Variants in QSOX1 observed in about 807,000 individuals in gnomAD.
QSOX1 encodes sulfhydryl oxidase 1.
QSOX1 carries 40 observed loss-of-function variants against 76.1 expected under a neutral mutation model. The ratio of observed to expected loss-of-function variants is 0.53; its 90% confidence interval spans 0.41 to 0.68. The LOEUF (loss-of-function observed/expected upper bound fraction) is 0.68, where lower values mean the gene tolerates loss of function less well. QSOX1 is among the 30% of genes least tolerant of loss of function. The pLI, the probability that QSOX1 is intolerant of heterozygous loss-of-function variation, is 0.00. For synonymous variants in QSOX1, 392 were observed against 413.1 expected (o/e 0.95, Z 0.62); for missense variants, 931 against 974.3 (o/e 0.96, Z 0.59).
In QSOX1 at chr1:180,202,691, A is replaced by AAGG. The variant is rs1553276278; in HGVS notation, c.*5654_*5655insAGG. Reference sequence around the variant, plus strand: ...AAGCTAATGCAAAAAAAAAAAAAAAAGGGGAAATATAATTGAATACTTCAC... The same window carrying AAGG: ...AAGCTAATGCAAAAAAAAAAAAAAAAAGGGGGGAAATATAATTGAATACTTCAC... On this transcript the variant is annotated 3_prime_UTR_variant, in exon 12 of 12. Coordinates refer to ENST00000367602, the MANE Select transcript of QSOX1 (RefSeq NM_002826.5). 6 of 148,382 alleles carry AAGG rather than the reference A, an allele frequency of 4.0e-5. No homozygotes were observed. Among genetic ancestry groups the AAGG allele is most frequent in the South Asian group, 4.3e-4 (2 of 4,644 alleles). The allele number at this position is 148,382 out of a possible 1,614,324, so 9.2% of individuals were successfully genotyped here.
chr1:180,173,924 G>T (rs1662818238), intron 2 of QSOX1, among the ~76,000 whole-genome samples: 1 of 152,238 alleles, frequency 6.6e-6, no homozygotes, highest in Non-Finnish European at 1.5e-5. Context: ...GTTCGGAGCA[G>T]TTGATGCGTT....
chr1:180,174,351 A>G (rs1347420590), intron 2 of QSOX1, among the ~76,000 whole-genome samples: 1 of 152,256 alleles, frequency 6.6e-6, no homozygotes, highest in African/African-American at 2.4e-5. Flanking sequence ...TTGGGGTGTC[A>G]TGTACATGGG....
At chr1:180,178,092 T>C (rs1662941797) in intron 4 of QSOX1, among the ~76,000 whole-genome samples, 1 of 152,196 alleles carries the variant, frequency 6.6e-6, no homozygotes, top group African/African-American at 2.4e-5. Flanking sequence ...TGTTGGGTTC[T>C]AATACCCCCC....
intron 1 of QSOX1, 45 bp downstream of exon 1, chr1:180,155,217 A>ACC: frequency 7.1e-7 from 1 of 1,407,982 alleles, no homozygotes; most frequent in Non-Finnish European, 9.2e-7. Context: ...CGCCGCCCGG[A>ACC]CCCCTCCACC....
chr1:180,177,666 A>C (rs1310585355), intron 4 of QSOX1, among the ~76,000 whole-genome samples: 1 of 152,164 alleles, frequency 6.6e-6, no homozygotes, highest in Non-Finnish European at 1.5e-5. Context: ...ACTGGCCCCC[A>C]TGTAGGTTGT....
At chr1:180,183,100 G>A (rs1289761052) in intron 6 of QSOX1, among the ~76,000 whole-genome samples, 3 of 152,168 alleles carry the variant, frequency 2.0e-5, no homozygotes, top group East Asian at 3.9e-4. Flanking sequence ...TGATGGTGGG[G>A]AGAGAAGGCA....
intron 1 of QSOX1, among the ~76,000 whole-genome samples, chr1:180,162,633 A>C (rs547557991): frequency 6.5e-4 from 99 of 152,058 alleles, no homozygotes; most frequent in Non-Finnish European, 1.2e-3. Flanking sequence ...CAGCTACTTA[A>C]GCAGCTGAGG....
intron 11 of QSOX1, among the ~76,000 whole-genome samples, chr1:180,195,363 C>G (rs1293806083): frequency 6.6e-6 from 1 of 152,178 alleles, no homozygotes; most frequent in South Asian, 2.1e-4. Context: ...TGACTCATGA[C>G]TGGACCCTTG....
chr1:180,189,164 G>T (rs1663245217), intron 8 of QSOX1, among the ~76,000 whole-genome samples: 1 of 152,172 alleles, frequency 6.6e-6, no homozygotes, highest in South Asian at 2.1e-4. Context: ...ACAGGACTGT[G>T]TGGCCCAGGG....
intron 10 of QSOX1, among the ~76,000 whole-genome samples, chr1:180,192,610 T>C (rs1174269250): frequency 6.6e-6 from 1 of 152,036 alleles, no homozygotes; most frequent in African/African-American, 2.4e-5. Flanking sequence ...AGGACTCGGG[T>C]GGACTCCAGG....
intron 6 of QSOX1, among the ~76,000 whole-genome samples, chr1:180,183,067 C>T (rs568796249): frequency 1.5e-4 from 23 of 152,308 alleles, no homozygotes; most frequent in African/African-American, 3.8e-4. Context: ...ACTCGCTTTC[C>T]GGGCAGGCCC....
At chr1:180,181,960 C>T (rs941465520) in intron 5 of QSOX1, among the ~76,000 whole-genome samples, 1 of 152,248 alleles carries the variant, frequency 6.6e-6, no homozygotes, top group East Asian at 1.9e-4. Flanking sequence ...AAGGCCTCTC[C>T]TCCTGGGCAG....
intron 1 of QSOX1, among the ~76,000 whole-genome samples, chr1:180,158,486 G>A (rs1042297167): frequency 6.6e-6 from 1 of 152,106 alleles, no homozygotes; most frequent in African/African-American, 2.4e-5. Flanking sequence ...TGCTGGTGCC[G>A]TGGATCCTCT....
rs528761077 is a variant in QSOX1, at chr1:180,198,901, T to G, written c.*1864T>G. The G allele has an allele frequency of 6.1e-6, 1 of 163,050 alleles. No homozygotes were observed. The highest frequency in any genetic ancestry group is 1.6e-4 in the South Asian group (1 of 6,128). The allele number at this position is 163,050 out of a possible 1,614,324, so 10.1% of individuals were successfully genotyped here. A position where few individuals can be genotyped will look rare whatever the true frequency, so the allele number is the denominator to read the frequency against. Reference sequence around the variant, plus strand: ...CAAGGCCGCTGAATAAGCCTGCCCTTCACCCCCTAAGGGCTCCTTGCCCAA... The same window carrying G: ...CAAGGCCGCTGAATAAGCCTGCCCTGCACCCCCTAAGGGCTCCTTGCCCAA... On this transcript the variant is annotated 3_prime_UTR_variant, in exon 12 of 12. Coordinates refer to ENST00000367602, the MANE Select transcript of QSOX1 (RefSeq NM_002826.5).
Position 180,196,290 on chromosome 1 carries a change from C to A in QSOX1, c.1497C>A (p.Pro499=), listed in dbSNP as rs983866607. Reference sequence around the variant, plus strand: ...CCCCCAGCGAGGACCCCCAGTTCCCCAAGGTGCAGTGGCCACCCCGTGAAC... The same window carrying A: ...CCCCCAGCGAGGACCCCCAGTTCCCAAAGGTGCAGTGGCCACCCCGTGAAC... ...AGAPSEDPQF[P]KVQWPPRELC... Residue 499 remains proline (P), a synonymous_variant, in exon 12 of 12, where the codon CCC becomes CCA. Transcript: ENST00000367602. The surrounding 1 kb of genome is among the most constrained non-coding windows in gnomAD (Gnocchi z 4.1). 2.5e-6 allele frequency: 4 copies of A among 1,612,878 alleles called. No homozygotes were observed. The highest frequency in any genetic ancestry group is 3.4e-6 in the Non-Finnish European group (4 of 1,179,128).
intron 2 of QSOX1, among the ~76,000 whole-genome samples, chr1:180,171,758 G>C (rs1003982879): frequency 6.6e-6 from 1 of 152,204 alleles, no homozygotes; most frequent in African/African-American, 2.4e-5. Context: ...CAGGAGAGCA[G>C]TCGAAAGTGA....
At chr1:180,175,854 G>A in intron 3 of QSOX1, 77 bp from the exon 4 acceptor site, 1 of 1,163,362 alleles carries the variant, frequency 8.6e-7, no homozygotes, top group Non-Finnish European at 1.3e-6. Context: ...TTTGTTTCTG[G>A]GAGTGAAGGT....
intron 1 of QSOX1, among the ~76,000 whole-genome samples, chr1:180,158,312 G>C (rs1477874731): frequency 6.6e-6 from 1 of 152,192 alleles, no homozygotes; most frequent in Non-Finnish European, 1.5e-5. Flanking sequence ...GAGCAGTGTT[G>C]GTTTTGCCCC....
intron 1 of QSOX1, among the ~76,000 whole-genome samples, chr1:180,155,700 G>A (rs1327264699): frequency 2.0e-5 from 3 of 152,206 alleles, no homozygotes; most frequent in South Asian, 2.1e-4. Flanking sequence ...GTGGTACATA[G>A]ACTTCCTTTC....
Sources: gnomAD v4.1 joint callset for allele counts (sites outside exome capture counted in the v4.1 genomes callset) on GRCh38, gnomAD v4.1.1 for gene constraint, Gnocchi (gnomAD v3.1) non-coding constraint, MANE v1.5 for transcripts, NCBI Gene and HGNC (gene_info 2026-07-23, HGNC 2026-07-21) for gene names.